Variants in CYP4X1 observed in about 807,000 individuals in gnomAD.
CYP4X1 encodes cytochrome P450 4X1.
In CYP4X1, 44 loss-of-function variants were observed where a neutral mutation model predicts 57.9. The ratio of observed to expected loss-of-function variants is 0.76; its 90% confidence interval spans 0.60 to 0.98. CYP4X1 has a LOEUF of 0.98. Among genes scored for constraint, CYP4X1 ranks in the 50% least tolerant of loss-of-function variants. CYP4X1 has a pLI of 0.00. For missense variants in CYP4X1, 532 were observed against 623.9 expected, an observed-to-expected ratio of 0.85 and a Z score of 1.57; for synonymous variants, 227 against 228.6, an observed-to-expected ratio of 0.99 and a Z score of 0.06.
chr1:46,973,079 T>C, the CYP4X1 span, among the ~76,000 whole-genome samples: 1 of 152,136 alleles, frequency 6.6e-6, no homozygotes, highest in Non-Finnish European at 1.5e-5. Context: ...TGTCCATATA[T>C]AGCTCTTATT....
At chr1:47,021,754 G>C (rs77398834), upstream of CYP4X1, among the ~76,000 whole-genome samples, 359 of 152,336 alleles carry the variant, frequency 2.4e-3, 14 homozygotes, top group East Asian at 0.058. Context: ...TAACTGCATA[G>C]AACTGTCCAA....
At position 47,023,947 on chromosome 1, in the gene CYP4X1, C is replaced by T; in HGVS notation, c.130C>T (p.Arg44Cys). 1 of 1,613,332 alleles carries T rather than the reference C, an allele frequency of 6.2e-7. No individual in the cohort carries two copies. ...GAGGCAGCGGCTGCTGCGGGACCTG[C>T]GCCCCTTCCCAGCGCCCCCCACCCA... is the stretch of plus-strand genomic sequence containing the variant. Reference protein sequence around the residue: ...LRRQRLLRDLRPFPAPPTHWF... With the variant: ...LRRQRLLRDLCPFPAPPTHWF... Residue 44 changes from arginine (R) to cysteine (C), a missense_variant, in exon 1 of 12, where the codon CGC (arginine) becomes TGC (cysteine). Arg to Cys is a radical substitution (Grantham distance 180). Coordinates refer to ENST00000371901, the MANE Select transcript of CYP4X1 (RefSeq NM_178033.2).
chr1:46,967,616 G>A, the CYP4X1 span: 1 of 347,208 alleles, frequency 2.9e-6, no homozygotes, highest in Non-Finnish European at 5.4e-6. Flanking sequence ...CAGGATGTGG[G>A]CAGACAGGCA....
At chr1:47,022,035 G>T (rs931350816), upstream of CYP4X1, among the ~76,000 whole-genome samples, 2 of 152,174 alleles carry the variant, frequency 1.3e-5, no homozygotes, top group Non-Finnish European at 2.9e-5. Flanking sequence ...TGATTTGGGG[G>T]AGGAATAGGG....
chr1:47,035,957 G>C, intron 5 of CYP4X1, 24 bp downstream of exon 5: 4 of 1,611,946 alleles, frequency 2.5e-6, no homozygotes, highest in Non-Finnish European at 2.5e-6. Flanking sequence ...GAGCAAAAAA[G>C]ATATTTCTTC....
At chr1:46,993,183 T>A in the CYP4X1 span, among the ~76,000 whole-genome samples, 2 of 149,498 alleles carry the variant, frequency 1.3e-5, 1 homozygote, top group African/African-American at 4.9e-5. Flanking sequence ...ACATGCGGTG[T>A]TTGGTTTTTT....
the CYP4X1 span, chr1:47,001,225 G>T: frequency 6.4e-6 from 1 of 155,154 alleles, no homozygotes; most frequent in Non-Finnish European, 1.5e-5. Flanking sequence ...ACTTTCCCCT[G>T]ACCTTGGACA....
Position 47,050,178 on chromosome 1 carries a change from TCA to T in CYP4X1, c.*5_*6del. The T allele has an allele frequency of 1.9e-6, 3 of 1,613,688 alleles. No homozygotes were observed. The highest frequency in any genetic ancestry group is 2.5e-6 in the Non-Finnish European group (3 of 1,179,824). ...GAAGAAACTCTCTGAATGTTAGATC[TCA>T]GGGTACAATGATTAAACGTACTTTG... On this transcript the variant is annotated 3_prime_UTR_variant, in exon 12 of 12. Transcript: ENST00000371901.
chr1:47,011,621 A>C, the CYP4X1 span, among the ~76,000 whole-genome samples: 1 of 152,240 alleles, frequency 6.6e-6, no homozygotes, highest in Non-Finnish European at 1.5e-5. Context: ...CTGAACAGGC[A>C]ACCTACAGAA....
chr1:47,022,580 C>G (rs1372621731), upstream of CYP4X1, among the ~76,000 whole-genome samples: 1 of 151,794 alleles, frequency 6.6e-6, no homozygotes, highest in East Asian at 2.0e-4. Flanking sequence ...TGAGCCACCG[C>G]GCCCGGCCCC....
At chr1:47,034,182 G>A (rs1167212493) in intron 4 of CYP4X1, among the ~76,000 whole-genome samples, 1 of 152,184 alleles carries the variant, frequency 6.6e-6, no homozygotes, top group African/African-American at 2.4e-5. Flanking sequence ...CAGAGTGAGG[G>A]AGCATGAACA....
At chr1:46,995,968 G>A in the CYP4X1 span, among the ~76,000 whole-genome samples, 1 of 152,210 alleles carries the variant, frequency 6.6e-6, no homozygotes, top group Non-Finnish European at 1.5e-5. Context: ...AGAAAGAGGT[G>A]TAGAGTCATA....
At chr1:47,007,151 G>A in the CYP4X1 span, among the ~76,000 whole-genome samples, 23 of 152,234 alleles carry the variant, frequency 1.5e-4, no homozygotes, top group Admixed American at 1.4e-3. Context: ...CCTAAACCCC[G>A]AGTAGCCTAA....
chr1:47,002,036 C>T, the CYP4X1 span, among the ~76,000 whole-genome samples: 1 of 152,248 alleles, frequency 6.6e-6, no homozygotes, highest in African/African-American at 2.4e-5. Flanking sequence ...GATTTATCCA[C>T]TGACAGTTAT....
At chr1:46,963,440 G>A in the CYP4X1 span, among the ~76,000 whole-genome samples, 2 of 150,926 alleles carry the variant, frequency 1.3e-5, no homozygotes, top group African/African-American at 4.9e-5. Flanking sequence ...CTCTTGTAAG[G>A]CAGGCCTGGT....
the CYP4X1 span, among the ~76,000 whole-genome samples, chr1:47,006,749 C>T: frequency 6.6e-6 from 1 of 152,148 alleles, no homozygotes; most frequent in East Asian, 1.9e-4. Context: ...TGTGCTTTTC[C>T]AATGGTCTTA....
chr1:46,991,347 G>A, the CYP4X1 span, among the ~76,000 whole-genome samples: 16 of 152,114 alleles, frequency 1.1e-4, no homozygotes, highest in Non-Finnish European at 1.9e-4. Context: ...CTGTCACAAG[G>A]GGCCTCATTA....
At chr1:46,994,717 T>C in the CYP4X1 span, among the ~76,000 whole-genome samples, 3 of 152,150 alleles carry the variant, frequency 2.0e-5, no homozygotes, top group African/African-American at 4.8e-5. Context: ...GAGCTGTCCA[T>C]AGTAATGGCC....
the CYP4X1 span, among the ~76,000 whole-genome samples, chr1:46,996,856 A>G: frequency 5.9e-5 from 9 of 152,176 alleles, no homozygotes; most frequent in African/African-American, 9.7e-5. Flanking sequence ...CAGATTTTGG[A>G]TGGGTTACAT....
Sources: allele counts gnomAD v4.1 joint callset (sites outside exome capture counted in the v4.1 genomes callset), GRCh38; gene constraint gnomAD v4.1.1; transcripts MANE v1.5; gene names NCBI Gene and HGNC (gene_info 2026-07-23, HGNC 2026-07-21).